Variants in MFN1 observed in about 807,000 individuals in gnomAD.
MFN1 encodes the protein mitofusin 1, also known as mitofusin-1.
In MFN1, 65 loss-of-function variants were observed where a neutral mutation model predicts 92.4. The ratio of observed to expected loss-of-function variants is 0.70; its 90% CI spans 0.58 to 0.86. The LOEUF is 0.86. Among genes scored for constraint, MFN1 ranks in the 40% least tolerant of loss-of-function variants. MFN1 has a pLI of 0.00. For synonymous variants in MFN1, 297 were observed against 300.9 expected, an observed-to-expected ratio of 0.99 and a Z score of 0.13; for missense variants, 781 against 868.0, an observed-to-expected ratio of 0.90 and a Z score of 1.26.
chr3:179,378,487 T>G lies in MFN1; in HGVS notation c.1432+44T>G, dbSNP rs376130563. The G allele has an allele frequency of 6.9e-4, 1,058 of 1,538,104 alleles. 1 individual carries two copies. Among genetic ancestry groups the G allele is most frequent in the Non-Finnish European group, 8.4e-4 (954 of 1,131,038 alleles). On this transcript the variant is annotated intron_variant, in intron 13 of 17. Coordinates refer to ENST00000471841, the MANE Select transcript of MFN1 (RefSeq NM_033540.3). ...AGGTCATGTCTGGTTTGTTTTTTCATTCATGACTGGTGAAGAGCTTATTTT... is the reference window on the plus strand; with the variant it reads ...AGGTCATGTCTGGTTTGTTTTTTCAGTCATGACTGGTGAAGAGCTTATTTT...
chr3:179,387,200 A>G (rs1372396147), intron 16 of MFN1, among the ~76,000 whole-genome samples: 1 of 152,048 alleles, frequency 6.6e-6, no homozygotes, highest in African/African-American at 2.4e-5. Context: ...CTGAGATTAT[A>G]GGCATGAGCC....
intron 7 of MFN1, among the ~76,000 whole-genome samples, chr3:179,366,283 G>C (rs1263437117): frequency 6.6e-6 from 1 of 151,912 alleles, no homozygotes; most frequent in Non-Finnish European, 1.5e-5. Flanking sequence ...TTAAGAATAT[G>C]TTCGATTTTA....
At chr3:179,389,655 G>A (rs1358545952) in intron 16 of MFN1, among the ~76,000 whole-genome samples, 4 of 152,032 alleles carry the variant, frequency 2.6e-5, no homozygotes, top group African/African-American at 4.8e-5. Context: ...TTTTGCCTAT[G>A]TCACAAAAGT....
At chr3:179,355,738 G>A (rs1712323759) in intron 3 of MFN1, among the ~76,000 whole-genome samples, 2 of 152,024 alleles carry the variant, frequency 1.3e-5, no homozygotes, top group South Asian at 4.1e-4. Context: ...GATCACCTGA[G>A]GTCAGGAGTT....
intron 14 of MFN1, among the ~76,000 whole-genome samples, chr3:179,385,072 A>AT (rs879634322): frequency 0.024 from 3,463 of 143,716 alleles, 128 homozygotes; most frequent in African/African-American, 0.082. Context: ...CGCTGGGCTA[A>AT]TTTTTTTTTT....
At chr3:179,367,934 G>C in intron 8 of MFN1, 102 bp from the exon 9 acceptor site, 1 of 410,278 alleles carries the variant, frequency 2.4e-6, no homozygotes, top group Non-Finnish European at 3.6e-6. Flanking sequence ...GGGGGAAAAA[G>C]TATATATATA....
chr3:179,373,607 C>T (rs1417635853), intron 9 of MFN1, among the ~76,000 whole-genome samples: 2 of 151,982 alleles, frequency 1.3e-5, no homozygotes, highest in East Asian at 3.8e-4. Context: ...TATTTCAGTG[C>T]AGAATTTGAC....
intron 14 of MFN1, among the ~76,000 whole-genome samples, chr3:179,379,830 C>T (rs1414510960): frequency 6.6e-6 from 1 of 151,940 alleles, no homozygotes; most frequent in East Asian, 1.9e-4. Flanking sequence ...CCATATATGA[C>T]CTAAAAGAAA....
chr3:179,390,226 C>G, intron 17 of MFN1, 88 bp downstream of exon 17: 1 of 1,098,416 alleles, frequency 9.1e-7, no homozygotes. Context: ...GTATTCATTC[C>G]TAATAGCTTT....
chr3:179,374,001 A>G (rs1399828926), intron 9 of MFN1, among the ~76,000 whole-genome samples: 1 of 151,594 alleles, frequency 6.6e-6, no homozygotes, highest in Non-Finnish European at 1.5e-5. Flanking sequence ...ATGATAAATC[A>G]TAGTAAATAT....
intron 4 of MFN1, 25 bp from the exon 5 acceptor site, chr3:179,362,333 T>C (rs1418214062): frequency 6.4e-7 from 1 of 1,554,242 alleles, no homozygotes; most frequent in Non-Finnish European, 8.7e-7. Context: ...GTGGAGTTTA[T>C]TTTTTTCTTT....
intron 4 of MFN1, among the ~76,000 whole-genome samples, chr3:179,361,843 C>T (rs1712593768): frequency 1.3e-5 from 2 of 152,156 alleles, no homozygotes; most frequent in Non-Finnish European, 2.9e-5. Flanking sequence ...CGGCCTAGCT[C>T]TCACTTTTAA....
intron 14 of MFN1, among the ~76,000 whole-genome samples, chr3:179,383,661 G>A (rs1038286203): frequency 7.2e-5 from 11 of 152,040 alleles, no homozygotes; most frequent in Non-Finnish European, 2.9e-5. Context: ...ATTACCTTGG[G>A]CAGTATGGCC....
chr3:179,377,210 A>G (rs745376550), intron 11 of MFN1, 42 bp downstream of exon 11: 26 of 1,584,946 alleles, frequency 1.6e-5, no homozygotes, highest in Non-Finnish European at 2.1e-5. Flanking sequence ...CCTGGATGGA[A>G]ATTATTTTTG....
At chr3:179,381,133 A>G (rs756344631) in intron 14 of MFN1, among the ~76,000 whole-genome samples, 16 of 152,214 alleles carry the variant, frequency 1.1e-4, no homozygotes, top group Non-Finnish European at 2.2e-4. Flanking sequence ...ACCTCGCAGA[A>G]CAACTGCCTA....
intron 2 of MFN1, among the ~76,000 whole-genome samples, chr3:179,351,023 A>G (rs1012898944): frequency 6.6e-6 from 1 of 152,114 alleles, no homozygotes; most frequent in African/African-American, 2.4e-5. Context: ...CAGGCTGGTC[A>G]TGAACTCCTG....
At chr3:179,384,416 T>G (rs1713591490) in intron 14 of MFN1, among the ~76,000 whole-genome samples, 1 of 152,154 alleles carries the variant, frequency 6.6e-6, no homozygotes, top group Non-Finnish European at 1.5e-5. Context: ...TTAAACATCT[T>G]TTTTGTGTGC....
chr3:179,357,589 A>G (rs1307775806), intron 3 of MFN1, among the ~76,000 whole-genome samples: 1 of 152,178 alleles, frequency 6.6e-6, no homozygotes, highest in African/African-American at 2.4e-5. Flanking sequence ...CCGAAAAGAT[A>G]GGATGCTTTT....
chr3:179,387,491 A>AG (rs2108559302), intron 16 of MFN1, among the ~76,000 whole-genome samples: 1 of 150,226 alleles, frequency 6.7e-6, no homozygotes, highest in East Asian at 2.1e-4. Context: ...GGTTGTAGTG[A>AG]GCCGAGATCA....
Sources: gnomAD v4.1 joint callset for allele counts (sites outside exome capture counted in the v4.1 genomes callset) on GRCh38, gnomAD v4.1.1 for gene constraint, MANE v1.5 for transcripts, NCBI Gene and HGNC (gene_info 2026-07-23, HGNC 2026-07-21) for gene names.